Variants in ATAD2B observed in about 807,000 individuals in gnomAD.
ATAD2B encodes ATPase family AAA domain-containing protein 2B.
ATAD2B carries 40 observed loss-of-function variants against 167.6 expected under a neutral mutation model. The observed-to-expected ratio is 0.24, with a 90% CI of 0.19 to 0.31. ATAD2B has a LOEUF of 0.31. ATAD2B is among the 10% of genes least tolerant of loss of function. The pLI, the probability that ATAD2B is intolerant of heterozygous loss-of-function variation, is 1.00. For missense variants in ATAD2B, 1,242 were observed against 1,757.2 expected (o/e 0.71, Z 5.24); for synonymous variants, 579 against 596.5 (o/e 0.97, Z 0.43).
At chr2:23,784,835 A>G (rs1680579379) in intron 21 of ATAD2B, among the ~76,000 whole-genome samples, 1 of 152,100 alleles carries the variant, frequency 6.6e-6, no homozygotes, top group Non-Finnish European at 1.5e-5. Context: ...CCAATTAGGC[A>G]TGTCCTGTTA....
chr2:23,832,401 A>C, intron 14 of ATAD2B: 1 of 305,454 alleles, frequency 3.3e-6, no homozygotes, highest in East Asian at 9.0e-5. Context: ...TAATGTGGAA[A>C]ACGATGTTCA....
At chr2:23,826,563 G>T (rs1177663201) in intron 15 of ATAD2B, among the ~76,000 whole-genome samples, 1 of 152,080 alleles carries the variant, frequency 6.6e-6, no homozygotes, top group Non-Finnish European at 1.5e-5. Flanking sequence ...TATTAAGCTA[G>T]AAATTGTTCT....
intron 1 of ATAD2B, among the ~76,000 whole-genome samples, chr2:23,912,963 T>A (rs1356574700): frequency 6.6e-6 from 1 of 152,132 alleles, no homozygotes; most frequent in African/African-American, 2.4e-5. Context: ...GCCACTGCAC[T>A]CTAGCCTGGG....
At chr2:23,745,368 A>AGAAGGAAAGAAGGAAGGAAG (rs1674784602), downstream of ATAD2B, among the ~76,000 whole-genome samples, 3 of 52,882 alleles carry the variant, frequency 5.7e-5, no homozygotes, top group African/African-American at 2.5e-4. Context: ...AAGGAAGGAA[A>AGAAGGAAAGAAGGAAGGAAG]GAAGGAAGGA....
rs1389088555 is a variant in ATAD2B, at chr2:23,834,199, T to C, written c.1569-121A>G. On this transcript the variant is annotated intron_variant, in intron 13 of 27. Transcript: ENST00000238789. Reference sequence around the variant, plus strand: ...TTTTTTGAGATGGAGTGTCATTCCGTTGCCCAGGCTGGAGGGCAGTGGTGC... The same window carrying C: ...TTTTTTGAGATGGAGTGTCATTCCGCTGCCCAGGCTGGAGGGCAGTGGTGC... The C allele has an allele frequency of 6.3e-6, 4 of 638,504 alleles. No individual in the cohort carries two copies. In the East Asian group the frequency reaches 1.4e-4, roughly 22 times the overall value. 39.6% of individuals were successfully genotyped at this position (638,504 alleles called of 1,614,324 possible).
At chr2:23,922,152 G>A (rs924782199) in intron 1 of ATAD2B, among the ~76,000 whole-genome samples, 1 of 152,052 alleles carries the variant, frequency 6.6e-6, no homozygotes, top group Admixed American at 6.5e-5. Context: ...ATCTCAAAAA[G>A]CCTAAAAAGC....
At chr2:23,739,116 C>T in the ATAD2B span, among the ~76,000 whole-genome samples, 1 of 152,164 alleles carries the variant, frequency 6.6e-6, no homozygotes, top group Non-Finnish European at 1.5e-5. Context: ...CTTTAACACC[C>T]CACTGTCAAC....
chr2:23,792,830 C>T (rs1319759503), intron 19 of ATAD2B, among the ~76,000 whole-genome samples: 5 of 151,346 alleles, frequency 3.3e-5, no homozygotes, highest in Admixed American at 6.6e-5. Flanking sequence ...GGCGTGGTGG[C>T]GGGCGCCTTT....
At chr2:23,693,554 C>A in the ATAD2B span, 1 of 1,536,780 alleles carries the variant, frequency 6.5e-7, no homozygotes, top group Non-Finnish European at 8.8e-7. Context: ...TCCCCCGCCC[C>A]TTCTCTCTGG....
intron 25 of ATAD2B, 31 bp downstream of exon 25, chr2:23,757,387 C>A (rs1351196924): frequency 2.8e-6 from 4 of 1,445,668 alleles, no homozygotes; most frequent in Non-Finnish European, 2.8e-6. Flanking sequence ...GAGTTTAAAC[C>A]TTCAGAAGAT....
At chr2:23,719,192 T>C in the ATAD2B span, among the ~76,000 whole-genome samples, 1 of 152,126 alleles carries the variant, frequency 6.6e-6, no homozygotes, top group African/African-American at 2.4e-5. Flanking sequence ...CCTAGCCGAG[T>C]TGACTGTCTG....
At position 23,888,333 on chromosome 2, in the gene ATAD2B, T is replaced by A; in HGVS notation, c.418+17A>T. The A allele has an allele frequency of 1.3e-6, 2 of 1,554,470 alleles. No homozygotes were observed. Among genetic ancestry groups the A allele is most frequent in the Non-Finnish European group, 1.8e-6 (2 of 1,142,048 alleles). On this transcript the variant is annotated intron_variant, in intron 3 of 27. Coordinates refer to ENST00000238789, the MANE Select transcript of ATAD2B (RefSeq NM_017552.4). ...TAAGAATTTTAAAACTAACCAGTTTTATAATAGAATACTCACATAAGCCAC... is the reference window on the plus strand; with the variant it reads ...TAAGAATTTTAAAACTAACCAGTTTAATAATAGAATACTCACATAAGCCAC...
the ATAD2B span, among the ~76,000 whole-genome samples, chr2:23,704,887 G>C: frequency 6.6e-6 from 1 of 152,240 alleles, no homozygotes; most frequent in Non-Finnish European, 1.5e-5. Flanking sequence ...ATAGCATGAA[G>C]TACTTAGAGT....
chr2:23,850,739 G>A (rs1311590190), intron 13 of ATAD2B, among the ~76,000 whole-genome samples: 1 of 152,226 alleles, frequency 6.6e-6, no homozygotes, highest in African/African-American at 2.4e-5. Context: ...TGTAAGAGCA[G>A]ATACGTGTCA....
chr2:23,715,817 T>G, the ATAD2B span, among the ~76,000 whole-genome samples: 1 of 152,308 alleles, frequency 6.6e-6, no homozygotes, highest in South Asian at 2.1e-4. Context: ...TACTCCTTTC[T>G]TTGGTCCATT....
At chr2:23,851,207 C>T (rs1692505617) in intron 13 of ATAD2B, among the ~76,000 whole-genome samples, 1 of 152,176 alleles carries the variant, frequency 6.6e-6, no homozygotes, top group Non-Finnish European at 1.5e-5. Flanking sequence ...TTCGGTGGCA[C>T]GATTGTGGCT....
chr2:23,844,047 T>A (rs915171892), intron 13 of ATAD2B, among the ~76,000 whole-genome samples: 1 of 152,176 alleles, frequency 6.6e-6, no homozygotes, highest in African/African-American at 2.4e-5. Flanking sequence ...CAAGTGATTC[T>A]CTTGCTTCAG....
chr2:23,778,141 G>C (rs917070839), intron 22 of ATAD2B, among the ~76,000 whole-genome samples: 3 of 151,684 alleles, frequency 2.0e-5, no homozygotes, highest in African/African-American at 7.3e-5. Flanking sequence ...AAAAAAAAGA[G>C]GTTGCTTGAT....
intron 22 of ATAD2B, among the ~76,000 whole-genome samples, chr2:23,779,236 C>T (rs997157636): frequency 1.5e-5 from 2 of 132,972 alleles, no homozygotes; most frequent in Non-Finnish European, 3.1e-5. Context: ...AGTGCAGTGG[C>T]GTGATCTCAG....
Sources: gnomAD v4.1 joint callset for allele counts (sites outside exome capture counted in the v4.1 genomes callset) on GRCh38, gnomAD v4.1.1 for gene constraint, MANE v1.5 for transcripts, NCBI Gene and HGNC (gene_info 2026-07-23, HGNC 2026-07-21) for gene names.